CLTC: variants seen among roughly 807,000 people sequenced by gnomAD.
The protein encoded by CLTC is clathrin heavy chain.
A neutral mutation model predicts 195.8 loss-of-function variants in CLTC; 16 were observed. The ratio of observed to expected loss-of-function variants is 0.08; its 90% CI spans 0.06 to 0.12. The LOEUF (loss-of-function observed/expected upper bound fraction) is 0.12. Among genes scored for constraint, CLTC ranks in the 10% least tolerant of loss-of-function variants. The pLI is 1.00. For missense variants in CLTC, 796 were observed against 2,027.0 expected, an observed-to-expected ratio of 0.39 and a Z score of 11.66; for synonymous variants, 667 against 689.4, an observed-to-expected ratio of 0.97 and a Z score of 0.51.
At chr17:59,658,436 T>A (rs969225990) in intron 6 of CLTC, among the ~76,000 whole-genome samples, 1 of 152,232 alleles carries the variant, frequency 6.6e-6, no homozygotes, top group Non-Finnish European at 1.5e-5. Context: ...TCTGGGAACT[T>A]GTTGATTGTT....
chr17:59,680,374 TA>T, intron 18 of CLTC, among the ~76,000 whole-genome samples: 1 of 152,220 alleles, frequency 6.6e-6, no homozygotes, highest in Non-Finnish European at 1.5e-5. Flanking sequence ...GAAGAGTTGT[TA>T]TAATGAGTCT....
At position 59,683,949 on chromosome 17, in the gene CLTC, A is replaced by T; in HGVS notation, c.4398A>T (p.Ser1466=). 6.2e-7 allele frequency: 1 copy of T among 1,611,468 alleles called. No homozygotes were observed. The highest frequency in any genetic ancestry group is 8.5e-7 in the Non-Finnish European group (1 of 1,177,604). The change falls in exon 28 of 32, where the codon TCA becomes TCT. Residue 1466 remains serine, a synonymous_variant. Coordinates refer to ENST00000269122, the MANE Select transcript of CLTC (RefSeq NM_004859.4). This position sits in a 1 kb window ranked among gnomAD's most constrained non-coding sequence, Gnocchi z 6.1. The part of the protein sequence containing the change: ...QNHNNKSVNE[S]LNNLFITEED... ...ATAACAACAAATCTGTGAATGAATC[A>T]TTGAACAATCTTTTTATTACAGAAG...
chr17:59,692,546 A>G (rs1466831775), intron 31 of CLTC, among the ~76,000 whole-genome samples: 1 of 152,214 alleles, frequency 6.6e-6, no homozygotes, highest in Non-Finnish European at 1.5e-5. Flanking sequence ...ATGGCCAACA[A>G]CTATTTAAAC....
chr17:59,694,052 T>C lies in CLTC; in HGVS notation c.*200T>C, dbSNP rs1244062382. On this transcript the variant is annotated 3_prime_UTR_variant, in exon 32 of 32. Transcript: ENST00000269122. The stretch of plus-strand genomic sequence containing the variant: ...ACATTCCACATCATTTTAGAATTTA[T>C]TTTCGAAGGGGAATAGTTTCAATGT... 2.2e-6 allele frequency: 1 copy of C among 455,204 alleles called. No homozygotes were observed. The highest frequency in any genetic ancestry group is 2.0e-5 in the African/African-American group (1 of 49,174). 28.2% of individuals were successfully genotyped at this position (455,204 alleles called of 1,614,324 possible).
At chr17:59,650,878 T>C (rs543943045) in intron 4 of CLTC, among the ~76,000 whole-genome samples, 2 of 152,270 alleles carry the variant, frequency 1.3e-5, no homozygotes, top group East Asian at 1.9e-4. Context: ...CCACTCCCCC[T>C]CTCTCACACC....
At chr17:59,690,981 C>CT (rs2033284120) in intron 31 of CLTC, among the ~76,000 whole-genome samples, 1 of 152,114 alleles carries the variant, frequency 6.6e-6, no homozygotes, top group Non-Finnish European at 1.5e-5. Flanking sequence ...CACGCATTAC[C>CT]TGCTCATAAA....
rs376231357 is a variant in CLTC at position 59,683,484 on chromosome 17, A to G, written c.4139A>G (p.Asn1380Ser). Reference sequence around the variant, plus strand: ...GATAATGCCATAATTACCATGATGAATCATCCAACTGATGCCTGGAAAGAA... The same window carrying G: ...GATAATGCCATAATTACCATGATGAGTCATCCAACTGATGCCTGGAAAGAA... The part of the protein sequence containing the change: ...EYDNAIITMM[N>S]HPTDAWKEGQ... Residue 1380 changes from asparagine (N) to serine (S), a missense_variant, in exon 26 of 32, where the codon AAT (asparagine) becomes AGT (serine). Around this residue, in one of 9 missense-constraint regions of CLTC, gnomAD observed 102 missense variants for 317.6 expected, o/e 0.32. Transcript: ENST00000269122. The surrounding 1 kb of genome is among the most constrained non-coding windows in gnomAD (Gnocchi z 6.1). 6.1e-5 allele frequency: 98 copies of G among 1,614,066 alleles called. No individual in the cohort carries two copies. Among genetic ancestry groups the G allele is most frequent in the South Asian group, 1.9e-4 (17 of 91,084 alleles).
intron 6 of CLTC, 101 bp from the exon 7 acceptor site, chr17:59,660,290 C>T: frequency 1.0e-6 from 1 of 974,308 alleles, no homozygotes; most frequent in Non-Finnish European, 1.5e-6. Flanking sequence ...GTCACAATTT[C>T]ATTACCTTTG....
intron 5 of CLTC, among the ~76,000 whole-genome samples, chr17:59,652,932 A>G (rs1317882735): frequency 2.0e-5 from 3 of 152,206 alleles, no homozygotes; most frequent in Admixed American, 2.0e-4. Context: ...GATCTTCCAT[A>G]TAACTTGCTG....
chr17:59,619,957 C>T lies in CLTC; in HGVS notation c.-175C>T. 3 of 601,972 alleles carry T rather than the reference C, an allele frequency of 5.0e-6. No individual in the cohort carries two copies. The highest frequency in any genetic ancestry group is 2.0e-5 in the South Asian group (1 of 49,018). The allele number at this position is 601,972 out of a possible 1,614,324, so 37.3% of individuals were successfully genotyped here. Reference sequence around the variant, plus strand: ...ATTGCGGCTCTCCTGGCCCCTGGAGCCTCCGCCCCCGACCCGAGCTCTTTC... The same window carrying T: ...ATTGCGGCTCTCCTGGCCCCTGGAGTCTCCGCCCCCGACCCGAGCTCTTTC... On this transcript the variant is annotated 5_prime_UTR_variant, in exon 1 of 32. Transcript: ENST00000269122.
rs2032924586 is a variant in CLTC at position 59,674,593 on chromosome 17, TA to T, written c.2419-105del. ...TATTACTGAATTTAAAAACTGAACTTAAAGAAAAAAAAACTGAGCTTAAAAG... is the reference window on the plus strand; with the variant it reads ...TATTACTGAATTTAAAAACTGAACTTAAGAAAAAAAAACTGAGCTTAAAAG... On this transcript the variant is annotated intron_variant, in intron 15 of 31. Transcript: ENST00000269122. 4 of 1,054,668 alleles carry T rather than the reference TA, an allele frequency of 3.8e-6. No individual in the cohort carries two copies. In the South Asian group the frequency reaches 7.2e-5, roughly 19 times the overall value. 65.3% of individuals were successfully genotyped at this position (1,054,668 alleles called of 1,614,324 possible). A position where few individuals can be genotyped will look rare whatever the true frequency, so the allele number is the denominator to read the frequency against.
At chr17:59,688,529 C>T (rs1410328294) in intron 30 of CLTC, among the ~76,000 whole-genome samples, 1 of 151,858 alleles carries the variant, frequency 6.6e-6, no homozygotes, top group Non-Finnish European at 1.5e-5. Context: ...TTTTTTTGAG[C>T]AATCTAAATT....
At chr17:59,672,900 G>C (rs535085589) in intron 14 of CLTC, among the ~76,000 whole-genome samples, 1 of 152,226 alleles carries the variant, frequency 6.6e-6, no homozygotes, top group African/African-American at 2.4e-5. Context: ...ATTCCTGATG[G>C]AAACTGTTGT....
chr17:59,662,725 GTC>G (rs2032638151), intron 8 of CLTC, among the ~76,000 whole-genome samples: 1 of 152,168 alleles, frequency 6.6e-6, no homozygotes, highest in Non-Finnish European at 1.5e-5. Flanking sequence ...TTGGACAGGA[GTC>G]TCTGATGAAG....
At chr17:59,635,738 A>G (rs2031841488) in intron 1 of CLTC, among the ~76,000 whole-genome samples, 1 of 152,220 alleles carries the variant, frequency 6.6e-6, no homozygotes, top group South Asian at 2.1e-4. Context: ...ATATTTTCAT[A>G]GTTTGATCAC....
At chr17:59,637,012 C>T (rs1256459646) in intron 1 of CLTC, among the ~76,000 whole-genome samples, 5 of 148,662 alleles carry the variant, frequency 3.4e-5, no homozygotes, top group Non-Finnish European at 3.0e-5. Context: ...GAACTCTTGA[C>T]CTCAGGTAAT....
At position 59,682,552 on chromosome 17, in the gene CLTC, G is replaced by A. The variant is rs1168009264; in HGVS notation, c.3601-77G>A. On this transcript the variant is annotated intron_variant, in intron 22 of 31. Transcript: ENST00000269122. The surrounding 1 kb of genome is among the most constrained non-coding windows in gnomAD (Gnocchi z 6.8). The stretch of plus-strand genomic sequence containing the variant: ...ATAGGAAAACAAATTCTTTCTCATT[G>A]TGAAGATATCAATTTGAAAAGAGGA... The A allele has an allele frequency of 1.3e-6, 2 of 1,581,866 alleles. No individual in the cohort carries two copies. Among genetic ancestry groups the A allele is most frequent in the Middle Eastern group, 1.7e-4 (1 of 5,882 alleles).
rs765234411 is a variant in CLTC, at chr17:59,651,323, T to C, written c.795+7T>C. ...TTTTCCTGTTGCAATGCAGGTATTT[T>C]AAGCAAAATAAATGACTTTTTAAAA... On this transcript the variant is annotated splice_region_variant and intron_variant, in intron 5 of 31. Coordinates refer to ENST00000269122, the MANE Select transcript of CLTC (RefSeq NM_004859.4). The C allele has an allele frequency of 7.6e-6, 12 of 1,579,302 alleles. No homozygotes were observed. The South Asian group carries it at 1.0e-4, about 13-fold the overall frequency.
intron 30 of CLTC, chr17:59,689,671 G>A (rs930377766): frequency 5.9e-5 from 9 of 152,180 alleles, no homozygotes; most frequent in African/African-American, 2.2e-4. Flanking sequence ...TAGTGTAAAA[G>A]GCGCAATGGA....
Sources: gnomAD v4.1 joint callset for allele counts (sites outside exome capture counted in the v4.1 genomes callset) on GRCh38, gnomAD v4.1.1 for gene constraint, gnomAD v4.1.1 regional missense constraint, Gnocchi (gnomAD v3.1) non-coding constraint, MANE v1.5 for transcripts, NCBI Gene and HGNC (gene_info 2026-07-23, HGNC 2026-07-21) for gene names.